Variants in TENT4A observed in about 807,000 individuals in gnomAD.
TENT4A encodes the protein terminal nucleotidyltransferase 4A.
TENT4A carries 7 observed loss-of-function variants against 72.8 expected under a neutral mutation model. The observed-to-expected ratio is 0.10, with a 90% confidence interval of 0.05 to 0.18. The LOEUF (loss-of-function observed/expected upper bound fraction) is 0.18. Ranked by LOEUF, TENT4A falls within the 10% of genes least tolerant of loss-of-function variation. TENT4A has a pLI of 1.00. For synonymous variants in TENT4A, 456 were observed against 434.3 expected (o/e 1.05, Z -0.62); for missense variants, 831 against 1,017.7 (o/e 0.82, Z 2.50).
At chr5:6,737,440 G>T in intron 1 of TENT4A, 70 bp from the exon 2 acceptor site, 2 of 1,380,382 alleles carry the variant, frequency 1.4e-6, no homozygotes, top group South Asian at 2.6e-5. Flanking sequence ...TCATCCTGAT[G>T]TAAGAACAGA....
chr5:6,733,209 C>A (rs533934837), intron 1 of TENT4A, among the ~76,000 whole-genome samples: 2 of 152,366 alleles, frequency 1.3e-5, no homozygotes, highest in South Asian at 4.1e-4. Flanking sequence ...CCAACTCCTC[C>A]CTAAGAAGCC....
At chr5:6,753,975 G>C (rs192641875) in intron 12 of TENT4A, among the ~76,000 whole-genome samples, 1 of 152,180 alleles carries the variant, frequency 6.6e-6, no homozygotes, top group African/African-American at 2.4e-5. Flanking sequence ...TGAAGCCGGC[G>C]TGTGTTCCCT....
intron 1 of TENT4A, among the ~76,000 whole-genome samples, chr5:6,737,109 G>C (rs761113048): frequency 3.9e-5 from 6 of 152,242 alleles, no homozygotes; most frequent in Non-Finnish European, 7.3e-5. Flanking sequence ...TCAGGGAGGT[G>C]CCCATGGGGC....
At chr5:6,714,747 T>TGGCCGGCGCCCGCGGTCCG in intron 1 of TENT4A, 48 bp downstream of exon 1, 5 of 1,101,314 alleles carry the variant, frequency 4.5e-6, no homozygotes, top group Non-Finnish European at 5.7e-6. Context: ...CCCATGGTCC[T>TGGCCGGCGCCCGCGGTCCG]GGCCGGCGCC....
At chr5:6,741,694 C>T (rs1231955044) in intron 4 of TENT4A, among the ~76,000 whole-genome samples, 3 of 152,214 alleles carry the variant, frequency 2.0e-5, no homozygotes, top group Non-Finnish European at 4.4e-5. Context: ...GTTGGTTGCC[C>T]TCAAGTGTAG....
chr5:6,743,323 C>T (rs1403931712), intron 5 of TENT4A, among the ~76,000 whole-genome samples: 4 of 152,148 alleles, frequency 2.6e-5, no homozygotes, highest in East Asian at 1.9e-4. Flanking sequence ...CATCTCCTGC[C>T]GCTCTGCCTT....
intron 2 of TENT4A, 83 bp from the exon 3 acceptor site, chr5:6,738,600 G>C (rs925779771): frequency 1.0e-6 from 1 of 1,000,906 alleles, no homozygotes; most frequent in South Asian, 1.3e-5. Flanking sequence ...GGTATAGTGA[G>C]GGCTTTCTTT....
rs949359846 is a variant in TENT4A, at chr5:6,750,636, TG to T, written c.1860+139del. The T allele has an allele frequency of 1.8e-5, 15 of 824,140 alleles. No individual in the cohort carries two copies. In the African/African-American group the frequency reaches 2.5e-4, roughly 14 times the overall value. The allele number at this position is 824,140 out of a possible 1,614,324, so 51.1% of individuals were successfully genotyped here. A position where few individuals can be genotyped will look rare whatever the true frequency, so the allele number is the denominator to read the frequency against. Reference sequence around the variant, plus strand: ...TTCCTTGTATGTGTGTGGAGGTGGGTGGGGGGCAGCCCCGTGATGTGGGCAC... The same window carrying T: ...TTCCTTGTATGTGTGTGGAGGTGGGTGGGGGCAGCCCCGTGATGTGGGCAC... On this transcript the variant is annotated intron_variant, in intron 10 of 12. Coordinates refer to ENST00000230859, the MANE Select transcript of TENT4A (RefSeq NM_006999.6).
chr5:6,737,410 G>A (rs1379384805), intron 1 of TENT4A, 100 bp from the exon 2 acceptor site: 11 of 1,101,054 alleles, frequency 1.0e-5, no homozygotes, highest in African/African-American at 1.6e-5. Flanking sequence ...GAATTTCGTG[G>A]CCAGAAATAT....
intron 1 of TENT4A, among the ~76,000 whole-genome samples, chr5:6,729,422 A>G (rs1741095231): frequency 6.6e-6 from 1 of 152,230 alleles, no homozygotes; most frequent in Admixed American, 6.5e-5. Flanking sequence ...TCTTTCATCC[A>G]GTGTAAGGAT....
At chr5:6,717,051 A>C (rs1462705722) in intron 1 of TENT4A, among the ~76,000 whole-genome samples, 2 of 152,206 alleles carry the variant, frequency 1.3e-5, no homozygotes, top group Non-Finnish European at 2.9e-5. Context: ...GCTGTGGTAG[A>C]GTTGGGCCTG....
intron 11 of TENT4A, 80 bp from the exon 12 acceptor site, chr5:6,752,793 T>G: frequency 7.8e-7 from 1 of 1,274,678 alleles, no homozygotes; most frequent in East Asian, 2.3e-5. Flanking sequence ...AGCTGCCCTT[T>G]GGTGGTGCTG....
intron 3 of TENT4A, 58 bp from the exon 4 acceptor site, chr5:6,739,674 A>G: frequency 6.2e-7 from 1 of 1,600,322 alleles, no homozygotes; most frequent in East Asian, 2.2e-5. Flanking sequence ...TCCTCCCCAC[A>G]CGAGTGTGTA....
chr5:6,740,111 A>G (rs1741718962), intron 4 of TENT4A, among the ~76,000 whole-genome samples: 1 of 152,212 alleles, frequency 6.6e-6, no homozygotes, highest in Admixed American at 6.5e-5. Flanking sequence ...GAATGAAAAT[A>G]TATGATTGTG....
Position 6,754,993 on chromosome 5 carries a change from G to T in TENT4A, c.*48G>T. 1.8e-5 allele frequency: 26 copies of T among 1,472,058 alleles called. No individual in the cohort carries two copies. Among genetic ancestry groups the T allele is most frequent in the Non-Finnish European group, 2.4e-5 (26 of 1,101,956 alleles). 91.2% of individuals were successfully genotyped at this position (1,472,058 alleles called of 1,614,324 possible). ...CCCCCACCCCTCTGCAGACTGCCCC[G>T]CGGCCTCGGCCACCGGCAGGGGAAC... is the stretch of plus-strand genomic sequence containing the variant. On this transcript the variant is annotated 3_prime_UTR_variant, in exon 13 of 13. Coordinates refer to ENST00000230859, the MANE Select transcript of TENT4A (RefSeq NM_006999.6).
intron 1 of TENT4A, among the ~76,000 whole-genome samples, chr5:6,736,484 C>T (rs1006764400): frequency 6.6e-6 from 1 of 152,180 alleles, no homozygotes; most frequent in African/African-American, 2.4e-5. Context: ...GTTATAATTC[C>T]TAGGAGTCAT....
intron 4 of TENT4A, among the ~76,000 whole-genome samples, 157 bp downstream of exon 4, chr5:6,740,009 T>C (rs1741714991): frequency 6.6e-6 from 1 of 152,254 alleles, no homozygotes; most frequent in South Asian, 2.1e-4. Context: ...ATGTGTTTTA[T>C]GTTTTTGTTT....
At chr5:6,735,041 T>C (rs1741405750) in intron 1 of TENT4A, among the ~76,000 whole-genome samples, 1 of 152,268 alleles carries the variant, frequency 6.6e-6, no homozygotes. Flanking sequence ...ATGTTGCCGT[T>C]ACTTCAGGTA....
intron 10 of TENT4A, 145 bp from the exon 11 acceptor site, chr5:6,750,894 G>T: frequency 1.2e-6 from 1 of 800,762 alleles, no homozygotes; most frequent in Non-Finnish European, 2.0e-6. Context: ...GGGTAGGTTT[G>T]GGCTGCCTGT....
Sources: allele counts gnomAD v4.1 joint callset (sites outside exome capture counted in the v4.1 genomes callset), GRCh38; gene constraint gnomAD v4.1.1; transcripts MANE v1.5; gene names NCBI Gene and HGNC (gene_info 2026-07-23, HGNC 2026-07-21).